The following PDE3A variants were observed in gnomAD, a reference collection of about 807,000 sequenced individuals.
PDE3A encodes the protein phosphodiesterase 3A, also known as cGMP-inhibited 3',5'-cyclic phosphodiesterase 3A.
PDE3A carries 43 observed loss-of-function variants against 98.3 expected under a neutral mutation model. The observed-to-expected ratio is 0.44, with a 90% CI of 0.34 to 0.56. PDE3A has a LOEUF of 0.56. Ranked by LOEUF, PDE3A falls within the 20% of genes least tolerant of loss-of-function variation. PDE3A has a pLI of 0.01. For missense variants in PDE3A, 1,427 were observed against 1,440.7 expected, an observed-to-expected ratio of 0.99 and a Z score of 0.15; for synonymous variants, 663 against 567.9, an observed-to-expected ratio of 1.17 and a Z score of -2.38.
chr12:20,479,742 G>C (rs1485777796), intron 1 of PDE3A, among the ~76,000 whole-genome samples: 1 of 152,184 alleles, frequency 6.6e-6, no homozygotes, highest in Non-Finnish European at 1.5e-5. Context: ...GGCTTCTGCA[G>C]CTTCAGTCGC....
At chr12:20,567,411 G>A (rs1225652331) in intron 2 of PDE3A, among the ~76,000 whole-genome samples, 6 of 151,904 alleles carry the variant, frequency 3.9e-5, no homozygotes, top group Non-Finnish European at 7.4e-5. Flanking sequence ...TTTTGAAAGC[G>A]TACAGCTAAG....
At chr12:20,523,329 C>T (rs1478442576) in intron 1 of PDE3A, among the ~76,000 whole-genome samples, 2 of 152,104 alleles carry the variant, frequency 1.3e-5, no homozygotes, top group Admixed American at 1.3e-4. Flanking sequence ...TCATCAGCTG[C>T]CCGCTGTAGG....
intron 1 of PDE3A, among the ~76,000 whole-genome samples, chr12:20,394,344 G>C (rs552681678): frequency 9.9e-5 from 15 of 152,158 alleles, no homozygotes; most frequent in African/African-American, 3.6e-4. Context: ...CATAAAAACA[G>C]AACAGAGTGT....
intron 1 of PDE3A, among the ~76,000 whole-genome samples, chr12:20,378,577 G>A (rs978565794): frequency 1.3e-5 from 2 of 151,566 alleles, no homozygotes; most frequent in Non-Finnish European, 3.0e-5. Context: ...AGATCAAAAG[G>A]CAATAGAATC....
chr12:20,522,637 T>C (rs968431844), intron 1 of PDE3A, among the ~76,000 whole-genome samples: 3 of 151,986 alleles, frequency 2.0e-5, no homozygotes, highest in South Asian at 4.2e-4. Context: ...TTTTAGTGAG[T>C]TGAGGCACGG....
At chr12:20,622,179 AT>A (rs1944153045) in intron 5 of PDE3A, among the ~76,000 whole-genome samples, 1 of 152,128 alleles carries the variant, frequency 6.6e-6, no homozygotes, top group Non-Finnish European at 1.5e-5. Flanking sequence ...GATATGAAAC[AT>A]TCAAGTTCTG....
chr12:20,549,609 T>A (rs1942144847), intron 1 of PDE3A, among the ~76,000 whole-genome samples: 1 of 152,166 alleles, frequency 6.6e-6, no homozygotes, highest in Admixed American at 6.6e-5. Context: ...TCTTTTTGAA[T>A]ATATTTCACA....
intron 6 of PDE3A, among the ~76,000 whole-genome samples, chr12:20,633,445 A>G (rs1944427373): frequency 6.6e-6 from 1 of 152,206 alleles, no homozygotes; most frequent in Non-Finnish European, 1.5e-5. Context: ...TAGATAAAGG[A>G]GGAGGAGAAT....
intron 1 of PDE3A, among the ~76,000 whole-genome samples, chr12:20,390,268 T>C (rs980915727): frequency 1.3e-5 from 2 of 151,834 alleles, no homozygotes; most frequent in Non-Finnish European, 2.9e-5. Flanking sequence ...TGATATTTTA[T>C]GTGTACCAAA....
Position 20,398,188 on chromosome 12 carries a change from T to C in PDE3A, c.960+27944T>C, listed in dbSNP as rs115081371. On this transcript the variant is annotated intron_variant, in intron 1 of 15. Coordinates refer to ENST00000359062, the MANE Select transcript of PDE3A (RefSeq NM_000921.5). The stretch of plus-strand genomic sequence containing the variant: ...TAGAGGAAAGTGGGAAAATGCCTGA[T>C]GGCTTATTGGCGGGAAAAAGAAGGG... Among the ~76,000 whole-genome samples the C allele has an allele frequency of 8.5e-3, 1,285 of 151,910 alleles. 14 individuals carry two copies. Among genetic ancestry groups the C allele is most frequent in the African/African-American group, 0.029 (1,215 of 41,442 alleles).
chr12:20,443,216 A>G (rs1223996976), intron 1 of PDE3A, among the ~76,000 whole-genome samples: 4 of 152,106 alleles, frequency 2.6e-5, no homozygotes, highest in African/African-American at 7.2e-5. Context: ...TTATATAGAA[A>G]TTGATTTGAG....
At chr12:20,555,052 C>T (rs1942332022) in intron 1 of PDE3A, among the ~76,000 whole-genome samples, 1 of 152,054 alleles carries the variant, frequency 6.6e-6, no homozygotes, top group African/African-American at 2.4e-5. Flanking sequence ...GATGGAGTCT[C>T]ACTTTGTCTC....
intron 15 of PDE3A, among the ~76,000 whole-genome samples, chr12:20,665,968 T>C (rs1449662088): frequency 6.9e-6 from 1 of 145,346 alleles, no homozygotes; most frequent in African/African-American, 2.5e-5. Flanking sequence ...TCTTTTTTTT[T>C]TTTTTTTTTT....
intron 1 of PDE3A, among the ~76,000 whole-genome samples, chr12:20,480,262 G>A (rs922417279): frequency 2.6e-5 from 4 of 152,108 alleles, no homozygotes; most frequent in African/African-American, 9.7e-5. Flanking sequence ...TTAATTGTAC[G>A]AAAACCACAG....
rs371702774 is a variant in PDE3A at position 20,378,407 on chromosome 12, A to G, written c.960+8163A>G. Among the ~76,000 whole-genome samples the G allele has an allele frequency of 1.2e-4, 18 of 151,910 alleles. No individual in the cohort carries two copies. In the East Asian group the frequency reaches 3.1e-3, roughly 26 times the overall value. On this transcript the variant is annotated intron_variant, in intron 1 of 15. Transcript: ENST00000359062. ...ACTTTATATATAGATATATAGATTA[A>G]CTTTTAAAAATACATTTATTATGTG...
At chr12:20,571,908 A>G in intron 2 of PDE3A, 1 of 1,050,924 alleles carries the variant, frequency 9.5e-7, no homozygotes, top group Non-Finnish European at 1.1e-6. Context: ...TTGTTCAGGA[A>G]ATGTTGAATC....
chr12:20,598,079 GATCT>G (rs1458529576), intron 2 of PDE3A, among the ~76,000 whole-genome samples: 4 of 151,986 alleles, frequency 2.6e-5, no homozygotes, highest in African/African-American at 9.7e-5. Flanking sequence ...TTTGAAGTTT[GATCT>G]ATTTTTAAGT....
intron 1 of PDE3A, among the ~76,000 whole-genome samples, chr12:20,519,315 C>T (rs910252962): frequency 6.6e-6 from 1 of 152,142 alleles, no homozygotes; most frequent in African/African-American, 2.4e-5. Flanking sequence ...CACACAGAGT[C>T]TGTGGCTACC....
intron 4 of PDE3A, among the ~76,000 whole-genome samples, chr12:20,620,929 G>A (rs1456408031): frequency 6.6e-6 from 1 of 152,088 alleles, no homozygotes; most frequent in Non-Finnish European, 1.5e-5. Context: ...TACAGCTTAT[G>A]TAAATTCACC....
Sources: gnomAD v4.1 joint callset for allele counts (sites outside exome capture counted in the v4.1 genomes callset) on GRCh38, gnomAD v4.1.1 for gene constraint, MANE v1.5 for transcripts, NCBI Gene and HGNC (gene_info 2026-07-23, HGNC 2026-07-21) for gene names.